The following PMS1 variants were observed in gnomAD, a reference collection of about 807,000 sequenced individuals.
The protein encoded by PMS1 is PMS1 protein homolog 1.
PMS1 carries 79 observed loss-of-function variants against 93.1 expected under a neutral mutation model. That is an observed-to-expected ratio of 0.85 (90% confidence interval 0.71 to 1.02). The LOEUF is 1.02. Ranked by LOEUF, PMS1 falls within the 50% of genes least tolerant of loss-of-function variation. The pLI, the probability that PMS1 is intolerant of heterozygous loss-of-function variation, is 0.00. For missense variants in PMS1, 1,064 were observed against 1,085.3 expected (o/e 0.98, Z 0.28); for synonymous variants, 335 against 363.4 (o/e 0.92, Z 0.89).
chr2:189,850,770 A>G (rs1486541195), intron 6 of PMS1, among the ~76,000 whole-genome samples: 2 of 152,150 alleles, frequency 1.3e-5, no homozygotes, highest in Non-Finnish European at 2.9e-5. Context: ...GACACTTCCC[A>G]GATGAGAGAA....
chr2:189,808,742 G>A (rs113181344), intron 4 of PMS1, among the ~76,000 whole-genome samples: 3 of 152,264 alleles, frequency 2.0e-5, no homozygotes, highest in Admixed American at 6.5e-5. Context: ...AATGATTTAT[G>A]TGTTTAACAG....
At chr2:189,872,222 G>T (rs934514579) in intron 11 of PMS1, among the ~76,000 whole-genome samples, 3 of 152,054 alleles carry the variant, frequency 2.0e-5, no homozygotes, top group Non-Finnish European at 2.9e-5. Flanking sequence ...TTATTCTCCA[G>T]TTGTTCTCTG....
chr2:189,855,037 T>C lies in PMS1; in HGVS notation c.1765T>C (p.Phe589Leu). 6.2e-7 allele frequency: 1 copy of C among 1,613,178 alleles called. No homozygotes were observed. Among genetic ancestry groups the C allele is most frequent in the Non-Finnish European group, 8.5e-7 (1 of 1,179,262 alleles). ...ALFVQDHRPQFLIENPKTSLE... is the reference protein window; with the variant it reads ...ALFVQDHRPQLLIENPKTSLE... ...TTTTGTTCAAGATCATCGTCCTCAG[T>C]TTCTCATAGAAAATCCTAAGACTAG... The change falls in exon 9 of 13, where the codon TTT becomes CTT. Residue 589 changes from phenylalanine (F) to leucine (L), a missense_variant. Coordinates refer to ENST00000441310, the MANE Select transcript of PMS1 (RefSeq NM_000534.5).
chr2:189,812,236 G>A (rs1421673379), intron 4 of PMS1, among the ~76,000 whole-genome samples: 1 of 152,184 alleles, frequency 6.6e-6, no homozygotes. Flanking sequence ...AGGAGGCGGA[G>A]GTTGCAGTTA....
intron 4 of PMS1, among the ~76,000 whole-genome samples, chr2:189,809,912 G>T (rs2050686943): frequency 6.6e-6 from 1 of 152,182 alleles, no homozygotes; most frequent in South Asian, 2.1e-4. Context: ...TACAGATTAG[G>T]TATAATGTGG....
intron 5 of PMS1, among the ~76,000 whole-genome samples, chr2:189,823,336 A>G (rs1164452025): frequency 6.6e-6 from 1 of 151,954 alleles, no homozygotes; most frequent in Non-Finnish European, 1.5e-5. Context: ...AGTTTGTTAC[A>G]TATGTATACA....
At chr2:189,869,870 A>G (rs1478385393) in intron 11 of PMS1, among the ~76,000 whole-genome samples, 1 of 151,946 alleles carries the variant, frequency 6.6e-6, no homozygotes, top group Non-Finnish European at 1.5e-5. Flanking sequence ...TTTAAGGATA[A>G]CTGTCCTTTC....
intron 5 of PMS1, among the ~76,000 whole-genome samples, chr2:189,827,489 C>T (rs1412160219): frequency 6.6e-6 from 1 of 152,192 alleles, no homozygotes; most frequent in Non-Finnish European, 1.5e-5. Context: ...AGAAGTTCTA[C>T]TGAGTTCATA....
intron 9 of PMS1, among the ~76,000 whole-genome samples, chr2:189,862,535 C>G (rs2056126912): frequency 6.6e-6 from 1 of 152,076 alleles, no homozygotes; most frequent in Admixed American, 6.6e-5. Flanking sequence ...AGAGTGATAA[C>G]TTTTGATTGT....
chr2:189,797,348 A>G (rs2049451367), intron 3 of PMS1, among the ~76,000 whole-genome samples: 1 of 152,224 alleles, frequency 6.6e-6, no homozygotes, highest in South Asian at 2.1e-4. Flanking sequence ...ATTCACTTGC[A>G]TAGTACCAAT....
chr2:189,860,456 C>T (rs115266186), intron 9 of PMS1, among the ~76,000 whole-genome samples: 1,910 of 151,670 alleles, frequency 0.013, 41 homozygotes, highest in African/African-American at 0.044. Flanking sequence ...ATAAATATAC[C>T]AAAATTTGTT....
At chr2:189,867,506 GAATT>G (rs964209712) in intron 10 of PMS1, among the ~76,000 whole-genome samples, 13 of 151,760 alleles carry the variant, frequency 8.6e-5, no homozygotes, top group African/African-American at 3.2e-4. Flanking sequence ...GAATAAAATG[GAATT>G]ATTTATAAAG....
At chr2:189,812,568 A>G (rs906196551) in intron 4 of PMS1, among the ~76,000 whole-genome samples, 8 of 152,228 alleles carry the variant, frequency 5.3e-5, no homozygotes, top group Non-Finnish European at 1.0e-4. Context: ...TTTTACAAAA[A>G]CAAAATCAGT....
rs190790182 is a variant in PMS1, at chr2:189,806,122, G to T, written c.418+368G>T. ...TGATTTGGTAATAGTGGAAATAAACGATACCATCAAGATATGATTAAATAA... is the reference window on the plus strand; with the variant it reads ...TGATTTGGTAATAGTGGAAATAAACTATACCATCAAGATATGATTAAATAA... On this transcript the variant is annotated intron_variant, in intron 4 of 12. Transcript: ENST00000441310. 49 of 415,640 alleles carry T rather than the reference G, an allele frequency of 1.2e-4. No individual in the cohort carries two copies. The East Asian group carries it at 2.0e-3, about 17-fold the overall frequency. 25.7% of individuals were successfully genotyped at this position (415,640 alleles called of 1,614,324 possible). A position where few individuals can be genotyped will look rare whatever the true frequency, so the allele number is the denominator to read the frequency against.
At chr2:189,821,266 C>CT (rs1241293041) in intron 5 of PMS1, among the ~76,000 whole-genome samples, 4 of 151,046 alleles carry the variant, frequency 2.6e-5, no homozygotes, top group Non-Finnish European at 4.4e-5. Flanking sequence ...ACTATCCTGG[C>CT]TAACACGGTG....
chr2:189,792,688 AATATAT>A (rs3067428), intron 2 of PMS1, among the ~76,000 whole-genome samples: 7,136 of 127,220 alleles, frequency 0.056, 625 homozygotes, highest in African/African-American at 0.19. Context: ...TATGGACACA[AATATAT>A]ATATATATAT....
chr2:189,861,906 TTATC>T (rs1478894109), intron 9 of PMS1, among the ~76,000 whole-genome samples: 1 of 151,950 alleles, frequency 6.6e-6, no homozygotes, highest in African/African-American at 2.4e-5. Flanking sequence ...ACCTGTAAAT[TTATC>T]TAATATACCT....
At chr2:189,787,681 G>T (rs1171330471) in intron 1 of PMS1, among the ~76,000 whole-genome samples, 1 of 151,772 alleles carries the variant, frequency 6.6e-6, no homozygotes, top group East Asian at 1.9e-4. Flanking sequence ...GTTGAACAGT[G>T]CTGGATAGAG....
intron 6 of PMS1, among the ~76,000 whole-genome samples, chr2:189,850,085 ATCTTT>A (rs2054578729): frequency 1.3e-5 from 2 of 152,140 alleles, no homozygotes; most frequent in African/African-American, 4.8e-5. Flanking sequence ...CAGTCATAAC[ATCTTT>A]AACTACTTTT....
Sources: allele counts gnomAD v4.1 joint callset (sites outside exome capture counted in the v4.1 genomes callset), GRCh38; gene constraint gnomAD v4.1.1; transcripts MANE v1.5; gene names NCBI Gene and HGNC (gene_info 2026-07-23, HGNC 2026-07-21).